NFATC1: variants seen among roughly 807,000 people sequenced by gnomAD.
The protein encoded by NFATC1 is nuclear factor of activated T-cells, cytoplasmic 1.
Under a neutral mutation model 76.0 loss-of-function variants are expected in NFATC1, and 22 were observed. That is an observed-to-expected ratio of 0.29 (90% CI 0.21 to 0.41). The LOEUF is 0.41. NFATC1 is among the 10% of genes least tolerant of loss of function. The pLI is 1.00. For synonymous variants in NFATC1, 704 were observed against 613.1 expected (o/e 1.15, Z -2.19); for missense variants, 1,357 against 1,337.7 (o/e 1.01, Z -0.23).
intron 8 of NFATC1, among the ~76,000 whole-genome samples, chr18:79,478,073 GC>G (rs1209767939): frequency 7.6e-6 from 1 of 131,196 alleles, no homozygotes. Flanking sequence ...CCTGCCCCCT[GC>G]CCCCCTGCCT....
chr18:79,451,242 C>A, intron 5 of NFATC1, 116 bp downstream of exon 5: 3 of 1,265,074 alleles, frequency 2.4e-6, no homozygotes, highest in East Asian at 2.4e-5. Flanking sequence ...CGGTTCCCAC[C>A]AAACCCACCA....
At chr18:79,502,201 G>T (rs2090028352) in intron 9 of NFATC1, among the ~76,000 whole-genome samples, 1 of 152,196 alleles carries the variant, frequency 6.6e-6, no homozygotes, top group South Asian at 2.1e-4. Context: ...TAATTCTTAT[G>T]TCTGCGGTAA....
intron 5 of NFATC1, 127 bp from the exon 6 acceptor site, chr18:79,451,549 G>T: frequency 9.5e-7 from 1 of 1,049,206 alleles, no homozygotes; most frequent in Non-Finnish European, 1.3e-6. Context: ...CGCAGGGGTC[G>T]GCCCGCAGGT....
chr18:79,415,292 A>C, intron 2 of NFATC1, among the ~76,000 whole-genome samples: 1 of 151,888 alleles, frequency 6.6e-6, no homozygotes, highest in East Asian at 1.9e-4. Flanking sequence ...TTATTTATTT[A>C]TTTTTTTTGA....
intron 9 of NFATC1, 58 bp downstream of exon 9, chr18:79,486,995 T>G: frequency 1.3e-6 from 2 of 1,520,398 alleles, no homozygotes; most frequent in Non-Finnish European, 1.8e-6. Flanking sequence ...CGTGAGCTCA[T>G]GGAGGGGCCG....
At chr18:79,502,998 A>G (rs1396326410) in intron 9 of NFATC1, among the ~76,000 whole-genome samples, 1 of 152,252 alleles carries the variant, frequency 6.6e-6, no homozygotes, top group Admixed American at 6.5e-5. Context: ...AGATGCACAC[A>G]TCCACACAAA....
chr18:79,474,444 C>G (rs935055232), intron 8 of NFATC1, among the ~76,000 whole-genome samples: 13 of 148,320 alleles, frequency 8.8e-5, no homozygotes, highest in Non-Finnish European at 1.2e-4. Context: ...GAAGCGTGTT[C>G]TCGCGCTCAC....
rs926686404 is a variant in NFATC1, at chr18:79,444,763, C to A, written c.1387-4019C>A. On this transcript the variant is annotated intron_variant, in intron 3 of 9. Coordinates refer to ENST00000427363, the MANE Select transcript of NFATC1 (RefSeq NM_001278669.2). ...CACGTGCCCGACCCCACAGACCACA[C>A]CGGCGCTGCACACACAGGCACCCCC... 1.3e-3 allele frequency among the ~76,000 whole-genome samples: 179 copies of A among 140,962 alleles called. 1 individual carries two copies. The highest frequency in any genetic ancestry group is 5.1e-3 in the African/African-American group (164 of 32,136). The allele number at this position is 140,962 out of a possible 152,430, so 92.5% of individuals were successfully genotyped here.
intron 7 of NFATC1, among the ~76,000 whole-genome samples, chr18:79,464,284 G>T (rs113840218): frequency 6.6e-6 from 1 of 152,066 alleles, no homozygotes; most frequent in Admixed American, 6.5e-5. Flanking sequence ...TAGTAGAGAC[G>T]GGATTTCACC....
intron 8 of NFATC1, among the ~76,000 whole-genome samples, chr18:79,475,588 G>A (rs2089033520): frequency 6.6e-6 from 1 of 151,538 alleles, no homozygotes; most frequent in Non-Finnish European, 1.5e-5. Context: ...TGCGAGGGAA[G>A]CGTGTTCTCA....
At chr18:79,474,160 GTGTT>G (rs2088924180) in intron 8 of NFATC1, among the ~76,000 whole-genome samples, 1 of 130,722 alleles carries the variant, frequency 7.6e-6, no homozygotes, top group African/African-American at 3.3e-5. Context: ...TGAGGGAAGC[GTGTT>G]CTCACGCTCG....
intron 9 of NFATC1, among the ~76,000 whole-genome samples, chr18:79,505,245 GAT>G (rs1430307865): frequency 1.1e-4 from 2 of 18,818 alleles, no homozygotes; most frequent in Admixed American, 3.3e-4. Flanking sequence ...GGAGGTGGTG[GAT>G]GAGACCCTTG....
At chr18:79,526,223 C>T (rs568913946) in intron 9 of NFATC1, among the ~76,000 whole-genome samples, 1 of 152,342 alleles carries the variant, frequency 6.6e-6, no homozygotes, top group South Asian at 2.1e-4. Context: ...CACCTGGGCC[C>T]TGTCGTTATC....
At chr18:79,435,155 A>G (rs1263828324) in intron 3 of NFATC1, among the ~76,000 whole-genome samples, 3 of 152,210 alleles carry the variant, frequency 2.0e-5, no homozygotes, top group Admixed American at 2.0e-4. Context: ...GTGGAAATAA[A>G]GCAATAGAGA....
At position 79,486,081 on chromosome 18, in the gene NFATC1, C is replaced by T. The variant is rs147234692; in HGVS notation, c.2093-167C>T. Among the ~76,000 whole-genome samples, 1,432 of 149,164 alleles carry T rather than the reference C, an allele frequency of 9.6e-3. 26 individuals carry two copies. The highest frequency in any genetic ancestry group is 0.031 in the African/African-American group (1,221 of 39,384). ...TAGAACCAGCTGCTACTCTCTCGGC[C>T]GATGACTCACGCCTTTTTTTTTTAA... On this transcript the variant is annotated intron_variant, in intron 8 of 9. Coordinates refer to ENST00000427363, the MANE Select transcript of NFATC1 (RefSeq NM_001278669.2).
At chr18:79,444,491 G>A (rs1361186358) in intron 3 of NFATC1, among the ~76,000 whole-genome samples, 2 of 150,304 alleles carry the variant, frequency 1.3e-5, no homozygotes, top group Non-Finnish European at 3.0e-5. Context: ...CCGAGCCCTC[G>A]CTGCTCTGGA....
chr18:79,464,021 T>G (rs1323320636), intron 7 of NFATC1, among the ~76,000 whole-genome samples: 1 of 152,270 alleles, frequency 6.6e-6, no homozygotes, highest in Non-Finnish European at 1.5e-5. Flanking sequence ...GCTTAACAGC[T>G]GTATGTTTTA....
chr18:79,526,547 C>T (rs1489754042), intron 9 of NFATC1, among the ~76,000 whole-genome samples: 5 of 152,060 alleles, frequency 3.3e-5, no homozygotes, highest in Non-Finnish European at 5.9e-5. Context: ...GCCTGGGTCT[C>T]TGGCCCCGCA....
At chr18:79,413,348 G>A (rs1431874928) in intron 2 of NFATC1, among the ~76,000 whole-genome samples, 3 of 152,208 alleles carry the variant, frequency 2.0e-5, no homozygotes, top group Non-Finnish European at 2.9e-5. Flanking sequence ...GTTTTCTCGC[G>A]GGGTCCTGAG....
Sources: gnomAD v4.1 joint callset for allele counts (sites outside exome capture counted in the v4.1 genomes callset) on GRCh38, gnomAD v4.1.1 for gene constraint, MANE v1.5 for transcripts, NCBI Gene and HGNC (gene_info 2026-07-23, HGNC 2026-07-21) for gene names.